Variants in AK5 observed in about 807,000 individuals in gnomAD.
The protein encoded by AK5 is adenylate kinase isoenzyme 5.
Under a neutral mutation model 69.5 loss-of-function variants are expected in AK5, and 27 were observed. That is an observed-to-expected ratio of 0.39 (90% CI 0.29 to 0.54). The LOEUF is 0.54. AK5 is among the 20% of genes least tolerant of loss of function. The probability of loss-of-function intolerance (pLI) is 0.71; values close to 1 mark genes in which losing one functional copy is unlikely to be tolerated. For synonymous variants in AK5, 260 were observed against 244.4 expected, an observed-to-expected ratio of 1.06 and a Z score of -0.60; for missense variants, 531 against 700.4, an observed-to-expected ratio of 0.76 and a Z score of 2.73.
chr1:77,438,772 T>A (rs1185167549), intron 8 of AK5, among the ~76,000 whole-genome samples: 3 of 152,056 alleles, frequency 2.0e-5, no homozygotes, highest in African/African-American at 7.2e-5. Context: ...AGAAGAGACA[T>A]GCATCACAAA....
intron 8 of AK5, among the ~76,000 whole-genome samples, chr1:77,483,103 AT>A (rs1655373458): frequency 6.7e-6 from 1 of 148,448 alleles, no homozygotes; most frequent in Non-Finnish European, 1.5e-5. Flanking sequence ...CCCAGGTTTA[AT>A]TCTGAGCTCT....
chr1:77,394,761 T>C (rs552636777), intron 6 of AK5, among the ~76,000 whole-genome samples: 1 of 151,084 alleles, frequency 6.6e-6, no homozygotes, highest in African/African-American at 2.4e-5. Context: ...ACATAATCTA[T>C]ATTATATGAT....
At chr1:77,554,814 C>T (rs1479552393) in intron 13 of AK5, among the ~76,000 whole-genome samples, 67 of 135,014 alleles carry the variant, frequency 5.0e-4, no homozygotes, top group Non-Finnish European at 5.6e-4. Context: ...GACGGGGTTT[C>T]GCCATGTTAG....
intron 5 of AK5, among the ~76,000 whole-genome samples, chr1:77,319,025 G>T (rs1253239327): frequency 6.6e-6 from 1 of 152,138 alleles, no homozygotes; most frequent in East Asian, 1.9e-4. Flanking sequence ...ACAAAAGATA[G>T]TTCAATACTA....
intron 8 of AK5, among the ~76,000 whole-genome samples, chr1:77,455,494 T>C (rs543045438): frequency 6.6e-6 from 1 of 152,064 alleles, no homozygotes; most frequent in East Asian, 1.9e-4. Context: ...AATATAAGTT[T>C]TGAGATTTAA....
intron 8 of AK5, among the ~76,000 whole-genome samples, chr1:77,425,190 A>T (rs900119244): frequency 6.6e-6 from 1 of 152,230 alleles, no homozygotes. Context: ...TTCAAAAATG[A>T]AGGAGAAATA....
intron 10 of AK5, among the ~76,000 whole-genome samples, chr1:77,516,694 C>T (rs1401274643): frequency 6.6e-6 from 1 of 151,906 alleles, no homozygotes; most frequent in African/African-American, 2.4e-5. Flanking sequence ...GGTGGGAGTG[C>T]CCTCCTTTCC....
chr1:77,437,948 A>G (rs924639135), intron 8 of AK5, among the ~76,000 whole-genome samples: 7 of 152,100 alleles, frequency 4.6e-5, no homozygotes, highest in Admixed American at 3.3e-4. Context: ...TCCTTCTTAG[A>G]CTATCTAGCT....
At chr1:77,441,435 A>G (rs537279940) in intron 8 of AK5, among the ~76,000 whole-genome samples, 2 of 152,118 alleles carry the variant, frequency 1.3e-5, no homozygotes, top group African/African-American at 4.8e-5. Context: ...CAAACTTTCT[A>G]GAGTGGCTTT....
intron 6 of AK5, among the ~76,000 whole-genome samples, chr1:77,386,098 A>G (rs970394567): frequency 6.6e-6 from 1 of 152,168 alleles, no homozygotes; most frequent in Admixed American, 6.5e-5. Context: ...AATAGTCATA[A>G]CCTTGCTTAG....
At chr1:77,458,977 C>T (rs988423694) in intron 8 of AK5, among the ~76,000 whole-genome samples, 1 of 152,130 alleles carries the variant, frequency 6.6e-6, no homozygotes, top group African/African-American at 2.4e-5. Context: ...GTGTCTTGCC[C>T]AGGGAGCAGG....
At chr1:77,534,717 G>A (rs1044279844) in intron 12 of AK5, among the ~76,000 whole-genome samples, 13 of 152,148 alleles carry the variant, frequency 8.5e-5, no homozygotes, top group African/African-American at 3.1e-4. Context: ...CAGCTACTCC[G>A]GAAGCTGAGG....
At chr1:77,346,331 TTTG>T (rs1661913189) in intron 6 of AK5, 1 of 152,244 alleles carries the variant, frequency 6.6e-6, no homozygotes, top group African/African-American at 2.4e-5. Flanking sequence ...TGAATAATTA[TTTG>T]TTAACTGACT....
intron 5 of AK5, among the ~76,000 whole-genome samples, chr1:77,306,814 T>C (rs2167994): frequency 0.57 from 86,849 of 151,816 alleles, 25,283 homozygotes; most frequent in Admixed American, 0.68. Context: ...GGATTTCTTC[T>C]TGATAAGTGG....
At chr1:77,403,323 G>T (rs1369801221) in intron 6 of AK5, among the ~76,000 whole-genome samples, 5 of 152,184 alleles carry the variant, frequency 3.3e-5, no homozygotes, top group South Asian at 4.2e-4. Flanking sequence ...TGTCAATTTT[G>T]GCTTTTGTTG....
chr1:77,429,970 G>A (rs1289791357), intron 8 of AK5, among the ~76,000 whole-genome samples: 2 of 152,152 alleles, frequency 1.3e-5, no homozygotes, highest in Non-Finnish European at 2.9e-5. Flanking sequence ...CAGGTTAGGG[G>A]TTTTGACTTT....
chr1:77,496,267 T>C (rs540636544), intron 10 of AK5, among the ~76,000 whole-genome samples: 1 of 152,124 alleles, frequency 6.6e-6, no homozygotes, highest in East Asian at 1.9e-4. Flanking sequence ...GCCTCAGAGA[T>C]GAGATGGATG....
intron 8 of AK5, among the ~76,000 whole-genome samples, chr1:77,473,779 T>C (rs1654667168): frequency 6.6e-6 from 1 of 152,200 alleles, no homozygotes; most frequent in Non-Finnish European, 1.5e-5. Flanking sequence ...ATTCTGCACA[T>C]ATGTAGTTAA....
intron 10 of AK5, among the ~76,000 whole-genome samples, chr1:77,496,463 C>G (rs1656319872): frequency 6.6e-6 from 1 of 152,148 alleles, no homozygotes; most frequent in Non-Finnish European, 1.5e-5. Flanking sequence ...GAAGCCTAGG[C>G]TTCAGCAGGA....
Sources: allele counts gnomAD v4.1 joint callset (sites outside exome capture counted in the v4.1 genomes callset), GRCh38; gene constraint gnomAD v4.1.1; transcripts MANE v1.5; gene names NCBI Gene and HGNC (gene_info 2026-07-23, HGNC 2026-07-21).